The following GMDS variants were observed in gnomAD, a reference collection of about 807,000 sequenced individuals.
GMDS encodes the protein GDP-mannose 4,6 dehydratase.
A neutral mutation model predicts 49.9 loss-of-function variants in GMDS; 20 were observed. The ratio of observed to expected loss-of-function variants is 0.40; its 90% CI spans 0.28 to 0.58. The LOEUF (loss-of-function observed/expected upper bound fraction) is 0.58, where lower values mean the gene tolerates loss of function less well. Ranked by LOEUF, GMDS falls within the 20% of genes least tolerant of loss-of-function variation. GMDS has a pLI of 0.42. For synonymous variants in GMDS, 177 were observed against 178.6 expected (o/e 0.99, Z 0.07); for missense variants, 362 against 481.4 (o/e 0.75, Z 2.32).
chr6:2,056,307 G>T (rs917277486), intron 4 of GMDS, among the ~76,000 whole-genome samples: 1 of 152,160 alleles, frequency 6.6e-6, no homozygotes, highest in Non-Finnish European at 1.5e-5. Context: ...TACAAAGGTG[G>T]TAAACAGTAA....
In GMDS at chr6:1,767,208, C is replaced by T. The variant is rs79383039; in HGVS notation, c.772-24622G>A. On this transcript the variant is annotated intron_variant, in intron 7 of 10. Coordinates refer to ENST00000380815, the MANE Select transcript of GMDS (RefSeq NM_001500.4). ...ACATATTTTCCACCCACCACCCCCCCAAATTTCATTAAACGCATAAAAGAA... is the reference window on the plus strand; with the variant it reads ...ACATATTTTCCACCCACCACCCCCCTAAATTTCATTAAACGCATAAAAGAA... 5.5e-3 allele frequency among the ~76,000 whole-genome samples: 842 copies of T among 152,134 alleles called. 5 individuals are homozygous for T. Among genetic ancestry groups the T allele is most frequent in the Middle Eastern group, 0.01 (3 of 294 alleles).
At chr6:2,205,414 C>T (rs1779763042) in intron 1 of GMDS, among the ~76,000 whole-genome samples, 1 of 152,250 alleles carries the variant, frequency 6.6e-6, no homozygotes, top group Non-Finnish European at 1.5e-5. Flanking sequence ...ATCCAAAGCA[C>T]ACTGTCCTTG....
intron 2 of GMDS, 46 bp downstream of exon 2, chr6:2,124,641 C>T (rs200882391): frequency 6.6e-5 from 99 of 1,499,614 alleles, no homozygotes; most frequent in South Asian, 6.1e-4. Flanking sequence ...CCGCTGCATG[C>T]GAGCAACCCC....
intron 4 of GMDS, among the ~76,000 whole-genome samples, chr6:1,980,308 G>T (rs1345378991): frequency 1.3e-5 from 2 of 152,062 alleles, no homozygotes; most frequent in Non-Finnish European, 2.9e-5. Flanking sequence ...CATCTCACAT[G>T]CAAGGACACA....
chr6:1,873,632 A>C (rs1758884033), intron 7 of GMDS, among the ~76,000 whole-genome samples: 1 of 152,214 alleles, frequency 6.6e-6, no homozygotes, highest in African/African-American at 2.4e-5. Context: ...AAGACAGGAA[A>C]ATGAAGATTT....
chr6:2,044,656 C>A (rs928496546), intron 4 of GMDS, among the ~76,000 whole-genome samples: 11 of 152,228 alleles, frequency 7.2e-5, no homozygotes, highest in African/African-American at 1.7e-4. Context: ...GAACAACAAA[C>A]CCCGTGGCGT....
At chr6:1,764,219 G>A (rs1343611687) in intron 7 of GMDS, among the ~76,000 whole-genome samples, 1 of 152,158 alleles carries the variant, frequency 6.6e-6, no homozygotes, top group Non-Finnish European at 1.5e-5. Flanking sequence ...ACTATTTAAA[G>A]CTGGGAATGT....
intron 7 of GMDS, among the ~76,000 whole-genome samples, chr6:1,747,557 T>C (rs1581133861): frequency 6.6e-6 from 1 of 152,078 alleles, no homozygotes; most frequent in South Asian, 2.1e-4. Context: ...GAAATAACTC[T>C]AATAAAAATC....
intron 6 of GMDS, among the ~76,000 whole-genome samples, chr6:1,943,269 T>G (rs770680098): frequency 2.0e-5 from 3 of 152,226 alleles, no homozygotes; most frequent in African/African-American, 7.2e-5. Context: ...CCAAGTGTCA[T>G]CTCAGTGGAA....
chr6:1,999,046 A>G (rs1042140644), intron 4 of GMDS, among the ~76,000 whole-genome samples: 6 of 152,138 alleles, frequency 3.9e-5, no homozygotes, highest in East Asian at 1.9e-4. Flanking sequence ...ATAATAGGCC[A>G]GGTGCGGTGG....
chr6:2,064,255 A>C (rs1035779439), intron 4 of GMDS, among the ~76,000 whole-genome samples: 3 of 152,230 alleles, frequency 2.0e-5, no homozygotes, highest in African/African-American at 7.2e-5. Flanking sequence ...TAAAAATTAA[A>C]CTTTGTTAAT....
chr6:2,238,908 A>C (rs577416248), intron 1 of GMDS, among the ~76,000 whole-genome samples: 5 of 152,222 alleles, frequency 3.3e-5, no homozygotes, highest in Non-Finnish European at 7.3e-5. Flanking sequence ...ACAAAGATGG[A>C]CAGCTCCAAG....
At position 2,165,235 on chromosome 6, in the gene GMDS, G is replaced by A. The variant is rs75990673; in HGVS notation, c.103-40504C>T. Among the ~76,000 whole-genome samples, 1,010 of 152,290 alleles carry A rather than the reference G, an allele frequency of 6.6e-3. 13 individuals carry two copies. Among genetic ancestry groups the A allele is most frequent in the African/African-American group, 0.023 (966 of 41,548 alleles). ...AGAAATAGGACCAATAAAGTGTGTG[G>A]AGAGACATAGAAACAGTATGAGAGA... On this transcript the variant is annotated intron_variant, in intron 1 of 10. Coordinates refer to ENST00000380815, the MANE Select transcript of GMDS (RefSeq NM_001500.4).
At chr6:2,027,954 A>T (rs1768706336) in intron 4 of GMDS, among the ~76,000 whole-genome samples, 1 of 152,152 alleles carries the variant, frequency 6.6e-6, no homozygotes, top group African/African-American at 2.4e-5. Flanking sequence ...ACTCTTAAAA[A>T]AATTCTAGTG....
chr6:2,069,156 A>G (rs1433571960), intron 4 of GMDS, among the ~76,000 whole-genome samples: 4 of 152,236 alleles, frequency 2.6e-5, no homozygotes, highest in African/African-American at 9.6e-5. Flanking sequence ...GAGAAAAACA[A>G]GCAATGGGGA....
chr6:1,645,038 C>A (rs143478312), intron 9 of GMDS, among the ~76,000 whole-genome samples: 1 of 151,350 alleles, frequency 6.6e-6, no homozygotes, highest in African/African-American at 2.4e-5. Flanking sequence ...CAGGTTCAAG[C>A]GATTCTCTTG....
At chr6:1,827,975 C>T (rs1771199768) in intron 7 of GMDS, among the ~76,000 whole-genome samples, 1 of 151,902 alleles carries the variant, frequency 6.6e-6, no homozygotes, top group Non-Finnish European at 1.5e-5. Context: ...CCTGAGGAAG[C>T]CTAAACTTTG....
rs1244913266 is a variant in GMDS, at chr6:1,778,735, G to A, written c.772-36149C>T. On this transcript the variant is annotated intron_variant, in intron 7 of 10. Coordinates refer to ENST00000380815, the MANE Select transcript of GMDS (RefSeq NM_001500.4). The surrounding 1 kb of genome is among the most constrained non-coding windows in gnomAD (Gnocchi z 4.6). ...CTTCCTGCCAGCCAGGAAAAAGCCT[G>A]CTGACGTTTGCAGCTCAGACCTCAA... Among the ~76,000 whole-genome samples, 1 of 152,160 alleles carries A rather than the reference G, an allele frequency of 6.6e-6. No homozygotes were observed. Among genetic ancestry groups the A allele is most frequent in the African/African-American group, 2.4e-5 (1 of 41,436 alleles).
chr6:1,912,543 T>C (rs1761124778), intron 7 of GMDS, among the ~76,000 whole-genome samples: 1 of 152,120 alleles, frequency 6.6e-6, no homozygotes, highest in Admixed American at 6.5e-5. Context: ...ATGTGAAATG[T>C]AGTGCCTACT....
Sources: allele counts gnomAD v4.1 joint callset (sites outside exome capture counted in the v4.1 genomes callset), GRCh38; gene constraint gnomAD v4.1.1; non-coding constraint Gnocchi (gnomAD v3.1); transcripts MANE v1.5; gene names NCBI Gene and HGNC (gene_info 2026-07-23, HGNC 2026-07-21).